DMD: variants seen among roughly 807,000 people sequenced by gnomAD.
DMD encodes the protein mutant dystrophin.
DMD carries 63 observed loss-of-function variants against 330.1 expected under a neutral mutation model. That is an observed-to-expected ratio of 0.19 (90% CI 0.16 to 0.24). The LOEUF (loss-of-function observed/expected upper bound fraction) is 0.24, where lower values mean the gene tolerates loss of function less well. DMD is among the 10% of genes least tolerant of loss of function. The pLI is 1.00. For missense variants in DMD, 3,344 were observed against 2,684.1 expected, an observed-to-expected ratio of 1.25 and a Z score of -5.43; for synonymous variants, 1,223 against 959.8, an observed-to-expected ratio of 1.27 and a Z score of -5.07.
At chrX:31,341,891 GCACACACACACACACA>G (rs58867858) in intron 61 of DMD, among the ~76,000 whole-genome samples, 3 of 98,874 alleles carry the variant, frequency 3.0e-5, no homozygotes, top group Non-Finnish European at 4.1e-5. Context: ...GTGCGCGCGC[GCACACACACACACACA>G]CACACACACA....
intron 19 of DMD, among the ~76,000 whole-genome samples, chrX:32,495,693 G>A (rs758305786): frequency 9.0e-6 from 1 of 111,695 alleles, no homozygotes; most frequent in Non-Finnish European, 1.9e-5. Flanking sequence ...GTAAATATTT[G>A]CATATGGATT....
rs986468222 is a variant in DMD, at chrX:33,297,458, C to A, written c.7+41801G>T. The stretch of plus-strand genomic sequence containing the variant: ...TCTCAAACTATTAAAAATAGAATTA[C>A]CATGAGATCTAGCAATTTCACTGTT... On this transcript the variant is annotated intron_variant, in intron 1 of 17. Transcript: ENST00000288447. Among the ~76,000 whole-genome samples, 3 of 110,609 alleles carry A rather than the reference C, an allele frequency of 2.7e-5. No homozygotes were observed. In the Admixed American group the frequency reaches 2.9e-4, roughly 11 times the overall value.
At chrX:32,340,662 T>TC (rs1351191801) in intron 41 of DMD, among the ~76,000 whole-genome samples, 1 of 111,857 alleles carries the variant, frequency 8.9e-6, no homozygotes, top group Non-Finnish European at 1.9e-5. Flanking sequence ...AGCAAAGGAC[T>TC]CCCCCTTGAA....
intron 2 of DMD, among the ~76,000 whole-genome samples, chrX:33,009,622 ATG>A (rs1247409746): frequency 1.7e-5 from 1 of 59,140 alleles, no homozygotes; most frequent in Non-Finnish European, 3.3e-5. Context: ...ATATGTGTGT[ATG>A]TGTGTATGTG....
chrX:32,499,848 C>T (rs886805420), intron 19 of DMD, among the ~76,000 whole-genome samples: 2 of 111,180 alleles, frequency 1.8e-5, no homozygotes, highest in African/African-American at 6.5e-5. Flanking sequence ...GCTTATCTCA[C>T]AATTTGCACA....
At chrX:32,007,635 G>A (rs1336273107) in intron 44 of DMD, among the ~76,000 whole-genome samples, 2 of 110,919 alleles carry the variant, frequency 1.8e-5, no homozygotes, top group Non-Finnish European at 3.8e-5. Context: ...TAGGCTTTAG[G>A]TCCAAAGATT....
chrX:32,463,469 A>G lies in DMD; in HGVS notation c.3402T>C (p.Leu1134=). 2 of 1,208,196 alleles carry G rather than the reference A, an allele frequency of 1.7e-6. No individual in the cohort carries two copies. Among genetic ancestry groups the G allele is most frequent in the Non-Finnish European group, 2.2e-6 (2 of 893,783 alleles). ...ASRLETELKE[L]NTQWDHMCQQ... ...GGCACATGTGATCCCACTGAGTGTT[A>G]AGTTCTTTGAGTTCTGTCTCAAGTC... The change falls in exon 25 of 79, where the codon CTT becomes CTC. Residue 1134 remains leucine (L), a synonymous_variant. Transcript: ENST00000357033.
chrX:32,461,926 A>C (rs1319945819), intron 25 of DMD, among the ~76,000 whole-genome samples: 1 of 110,957 alleles, frequency 9.0e-6, no homozygotes, highest in Non-Finnish European at 1.9e-5. Flanking sequence ...AACACTTGTC[A>C]GTGATTGTAT....
At chrX:31,671,598 C>T (rs1339386993) in intron 53 of DMD, among the ~76,000 whole-genome samples, 1 of 112,048 alleles carries the variant, frequency 8.9e-6, no homozygotes, top group Admixed American at 9.4e-5. Flanking sequence ...TAGAATTCAT[C>T]GGGGGAAGAC....
At chrX:32,975,873 T>C (rs1219414453) in intron 2 of DMD, among the ~76,000 whole-genome samples, 1 of 111,448 alleles carries the variant, frequency 9.0e-6, no homozygotes, top group Non-Finnish European at 1.9e-5. Flanking sequence ...TCAGATTCCA[T>C]CATATGAGAA....
intron 1 of DMD, among the ~76,000 whole-genome samples, chrX:33,122,344 T>G (rs2095430597): frequency 8.8e-6 from 1 of 113,009 alleles, no homozygotes; most frequent in Admixed American, 9.3e-5. Flanking sequence ...ATATTTTAAC[T>G]TAATTTATAC....
intron 43 of DMD, among the ~76,000 whole-genome samples, chrX:32,281,521 T>A (rs2097420783): frequency 8.9e-6 from 1 of 111,904 alleles, no homozygotes; most frequent in Non-Finnish European, 1.9e-5. Flanking sequence ...AACACATCAA[T>A]GCAAGCAGCA....
intron 52 of DMD, among the ~76,000 whole-genome samples, chrX:31,690,883 C>T (rs540310544): frequency 9.0e-6 from 1 of 110,952 alleles, no homozygotes; most frequent in Middle Eastern, 4.7e-3. Context: ...AAACCAAACA[C>T]CGCATGTTCT....
intron 44 of DMD, among the ~76,000 whole-genome samples, chrX:31,977,787 C>CAAAA (rs759262885): frequency 1.2e-4 from 7 of 60,354 alleles, no homozygotes; most frequent in Non-Finnish European, 1.0e-4. Context: ...CTCTGCAAAT[C>CAAAA]AAAAAAAAAA....
chrX:31,405,828 A>G lies in DMD; in HGVS notation c.9084+38653T>C, dbSNP rs6628606. ...ATGACAATTTTCTAAGGCCTCTGAA[A>G]TTCTATACAGGTTCTCAAAAGTACT... is the stretch of plus-strand genomic sequence containing the variant. On this transcript the variant is annotated intron_variant, in intron 60 of 78. Transcript: ENST00000357033. Among the ~76,000 whole-genome samples the G allele has an allele frequency of 5.4e-4, 61 of 112,005 alleles. 1 individual carries two copies. The East Asian group carries it at 0.017, about 30-fold the overall frequency.
chrX:32,540,910 C>T (rs574463778), intron 17 of DMD, among the ~76,000 whole-genome samples: 5 of 111,255 alleles, frequency 4.5e-5, no homozygotes, highest in African/African-American at 1.3e-4. Flanking sequence ...TATGGGAATT[C>T]GCATGTCTGG....
chrX:31,889,888 G>A (rs1334226372), intron 47 of DMD, among the ~76,000 whole-genome samples: 1 of 109,914 alleles, frequency 9.1e-6, no homozygotes, highest in Non-Finnish European at 1.9e-5. Context: ...AATGTCCCTT[G>A]GATTCGTAGG....
intron 62 of DMD, among the ~76,000 whole-genome samples, chrX:31,292,803 C>A (rs1347964647): frequency 8.9e-6 from 1 of 111,878 alleles, no homozygotes; most frequent in Non-Finnish European, 1.9e-5. Flanking sequence ...CATGCAACAA[C>A]ATGAGTTAAT....
At chrX:32,665,935 G>C (rs1437301374) in intron 9 of DMD, among the ~76,000 whole-genome samples, 15 of 111,659 alleles carry the variant, frequency 1.3e-4, no homozygotes, top group Admixed American at 3.8e-4. Context: ...ATCTATGGAA[G>C]ATGAGGGCAG....
Sources: allele counts gnomAD v4.1 joint callset (sites outside exome capture counted in the v4.1 genomes callset), GRCh38; gene constraint gnomAD v4.1.1; transcripts MANE v1.5; gene names NCBI Gene and HGNC (gene_info 2026-07-23, HGNC 2026-07-21).